MAN1A2: variants seen among roughly 807,000 people sequenced by gnomAD.
MAN1A2 encodes mannosyl-oligosaccharide 1,2-alpha-mannosidase IB.
Under a neutral mutation model 75.7 loss-of-function variants are expected in MAN1A2, and 26 were observed. That is an observed-to-expected ratio of 0.34 (90% CI 0.25 to 0.48). MAN1A2 has a LOEUF of 0.48. Ranked by LOEUF, MAN1A2 falls within the 20% of genes least tolerant of loss-of-function variation. The probability of loss-of-function intolerance (pLI) is 0.99; values close to 1 mark genes in which losing one functional copy is unlikely to be tolerated. For synonymous variants in MAN1A2, 247 were observed against 264.6 expected, an observed-to-expected ratio of 0.93 and a Z score of 0.65; for missense variants, 562 against 775.5, an observed-to-expected ratio of 0.72 and a Z score of 3.27.
At chr1:117,466,790 T>A (rs985168486) in intron 8 of MAN1A2, among the ~76,000 whole-genome samples, 1 of 152,138 alleles carries the variant, frequency 6.6e-6, no homozygotes, top group African/African-American at 2.4e-5. Context: ...AATGAGTATT[T>A]ACTAGAAGGG....
intron 3 of MAN1A2, among the ~76,000 whole-genome samples, chr1:117,406,818 G>C (rs556492183): frequency 2.2e-4 from 33 of 152,130 alleles, no homozygotes; most frequent in Non-Finnish European, 4.3e-4. Context: ...ATTAAATTTA[G>C]AACCTCCCTT....
At chr1:117,500,778 G>A (rs1412269477) in intron 11 of MAN1A2, among the ~76,000 whole-genome samples, 1 of 151,804 alleles carries the variant, frequency 6.6e-6, no homozygotes. Flanking sequence ...TGTGTAGGAG[G>A]GTGCTGCCAC....
At chr1:117,477,765 G>A (rs1464987542) in intron 8 of MAN1A2, among the ~76,000 whole-genome samples, 1 of 151,958 alleles carries the variant, frequency 6.6e-6, no homozygotes, top group Admixed American at 6.6e-5. Context: ...ATACAACATA[G>A]TACTGGAAGT....
chr1:117,514,897 T>C (rs761175586), intron 12 of MAN1A2: 1 of 533,044 alleles, frequency 1.9e-6, no homozygotes, highest in South Asian at 1.4e-5. Context: ...ATGAAAAGAG[T>C]AGCATCAAGT....
chr1:117,409,349 C>T (rs370006908), intron 3 of MAN1A2, among the ~76,000 whole-genome samples: 1 of 151,894 alleles, frequency 6.6e-6, no homozygotes, highest in Non-Finnish European at 1.5e-5. Context: ...ATTTTCCTTG[C>T]GTAAGTTTAA....
At chr1:117,397,646 T>C (rs61809000) in intron 1 of MAN1A2, among the ~76,000 whole-genome samples, 4,392 of 32,964 alleles carry the variant, frequency 0.13, 78 homozygotes, top group African/African-American at 0.18. Flanking sequence ...TATAACCCCC[T>C]TTTTTTTTTT....
At chr1:117,376,982 G>A (rs1310884851) in intron 1 of MAN1A2, among the ~76,000 whole-genome samples, 3 of 152,154 alleles carry the variant, frequency 2.0e-5, no homozygotes, top group Non-Finnish European at 4.4e-5. Context: ...AGAGACTTAA[G>A]CATTTGTGGA....
At chr1:117,391,520 T>C (rs1277539067) in intron 1 of MAN1A2, among the ~76,000 whole-genome samples, 1 of 152,190 alleles carries the variant, frequency 6.6e-6, no homozygotes, top group Non-Finnish European at 1.5e-5. Flanking sequence ...ATTGACCTCA[T>C]TAATACAAAG....
chr1:117,445,559 C>T (rs867723193), intron 6 of MAN1A2, among the ~76,000 whole-genome samples: 5 of 151,234 alleles, frequency 3.3e-5, no homozygotes, highest in African/African-American at 9.7e-5. Context: ...CAAGGTCTTG[C>T]GCTTTTGTAT....
intron 7 of MAN1A2, among the ~76,000 whole-genome samples, chr1:117,464,141 G>A (rs1649911701): frequency 6.6e-6 from 1 of 152,016 alleles, no homozygotes; most frequent in African/African-American, 2.4e-5. Flanking sequence ...TGAGGTGGGT[G>A]GATCGCTTGA....
intron 2 of MAN1A2, 54 bp from the exon 3 acceptor site, chr1:117,405,495 A>T: frequency 3.6e-6 from 4 of 1,119,480 alleles, no homozygotes; most frequent in Non-Finnish European, 5.5e-6. Flanking sequence ...TATGAAATAA[A>T]AAAACAGTTT....
chr1:117,369,488 C>A (rs1264031217), intron 1 of MAN1A2, among the ~76,000 whole-genome samples: 1 of 151,966 alleles, frequency 6.6e-6, no homozygotes, highest in Non-Finnish European at 1.5e-5. Flanking sequence ...TGTCAAGCAC[C>A]GAAAAAGCTT....
chr1:117,370,783 G>A (rs1652936141), intron 1 of MAN1A2, among the ~76,000 whole-genome samples: 1 of 147,758 alleles, frequency 6.8e-6, no homozygotes, highest in South Asian at 2.2e-4. Flanking sequence ...GTACAGGATA[G>A]AGGGCTGAGG....
At chr1:117,451,916 A>AG (rs1378073352) in intron 6 of MAN1A2, among the ~76,000 whole-genome samples, 2 of 152,108 alleles carry the variant, frequency 1.3e-5, no homozygotes, top group Non-Finnish European at 2.9e-5. Flanking sequence ...TGAGTCCAGG[A>AG]GGCGGAGCTT....
chr1:117,410,812 C>T (rs764169425), intron 3 of MAN1A2, among the ~76,000 whole-genome samples: 3 of 151,400 alleles, frequency 2.0e-5, no homozygotes, highest in Non-Finnish European at 4.4e-5. Flanking sequence ...GGTATACTTG[C>T]AACAAACAGT....
rs1651246490 is a variant in MAN1A2 at position 117,502,981 on chromosome 1, A to G, written c.1793+11A>G. On this transcript the variant is annotated intron_variant, in intron 12 of 12. Transcript: ENST00000356554. ...TGCTGAAACATTAAAGTAAGTATATAGCTTTAAAAAATATTTTTATACTAG... is the reference window on the plus strand; with the variant it reads ...TGCTGAAACATTAAAGTAAGTATATGGCTTTAAAAAATATTTTTATACTAG... 5 of 1,421,828 alleles carry G rather than the reference A, an allele frequency of 3.5e-6. No homozygotes were observed. The highest frequency in any genetic ancestry group is 1.9e-6 in the Non-Finnish European group (2 of 1,029,292). 88.1% of individuals were successfully genotyped at this position (1,421,828 alleles called of 1,614,324 possible). A position where few individuals can be genotyped will look rare whatever the true frequency, so the allele number is the denominator to read the frequency against.
intron 12 of MAN1A2, among the ~76,000 whole-genome samples, chr1:117,521,163 A>G (rs1019375848): frequency 1.3e-5 from 2 of 152,058 alleles, no homozygotes; most frequent in Non-Finnish European, 2.9e-5. Context: ...GAAAATCAAC[A>G]TAAGATGGAT....
chr1:117,520,480 C>T (rs1651840299), intron 12 of MAN1A2, among the ~76,000 whole-genome samples: 1 of 152,070 alleles, frequency 6.6e-6, no homozygotes, highest in South Asian at 2.1e-4. Context: ...TTTCCAGATA[C>T]AAAATTAATG....
chr1:117,407,317 C>T (rs560585766), intron 3 of MAN1A2, among the ~76,000 whole-genome samples: 2 of 151,964 alleles, frequency 1.3e-5, no homozygotes, highest in African/African-American at 4.8e-5. Context: ...TTCCTACTTA[C>T]TCTGTTTCTT....
Sources: allele counts gnomAD v4.1 joint callset (sites outside exome capture counted in the v4.1 genomes callset), GRCh38; gene constraint gnomAD v4.1.1; transcripts MANE v1.5; gene names NCBI Gene and HGNC (gene_info 2026-07-23, HGNC 2026-07-21).